Variants in SYN2 observed in about 807,000 individuals in gnomAD.
SYN2 encodes the protein synapsin II.
In SYN2, 19 loss-of-function variants were observed where a neutral mutation model predicts 50.9. That is an observed-to-expected ratio of 0.37 (90% CI 0.26 to 0.55). The LOEUF is 0.55. SYN2 is among the 20% of genes least tolerant of loss of function. The pLI is 0.81. For missense variants in SYN2, 587 were observed against 576.4 expected (o/e 1.02, Z -0.19); for synonymous variants, 255 against 224.9 (o/e 1.13, Z -1.20).
chr3:12,021,053 C>T (rs956815807), intron 1 of SYN2, among the ~76,000 whole-genome samples: 1 of 152,154 alleles, frequency 6.6e-6, no homozygotes, highest in Admixed American at 6.5e-5. Context: ...GCTATAACTT[C>T]ATATTTTTTT....
intron 10 of SYN2, among the ~76,000 whole-genome samples, chr3:12,178,791 C>T (rs1041289424): frequency 2.0e-5 from 3 of 152,226 alleles, no homozygotes; most frequent in Admixed American, 6.5e-5. Context: ...TTAGTTTAAG[C>T]CTAACAATCC....
rs1375970044 is a variant in SYN2, at chr3:12,066,060, T to TA, written c.377+61133dup. Among the ~76,000 whole-genome samples the TA allele has an allele frequency of 2.0e-5, 3 of 152,226 alleles. No homozygotes were observed. In the East Asian group the frequency reaches 5.8e-4, roughly 29 times the overall value. On this transcript the variant is annotated intron_variant, in intron 1 of 12. Coordinates refer to ENST00000621198, the MANE Select transcript of SYN2 (RefSeq NM_133625.6). Reference sequence around the variant, plus strand: ...TTGGGTAACAAAAATACTCTAGAATTAGATAGTGGTAAATATACTAAACCC... The same window carrying TA: ...TTGGGTAACAAAAATACTCTAGAATTAAGATAGTGGTAAATATACTAAACCC...
At position 12,174,604 on chromosome 3, in the gene SYN2, C is replaced by T. The variant is rs55987854; in HGVS notation, c.1308+4698C>T. ...TCAAGCGATTCCCCTGCCTCAGCTT[C>T]CCGAATAGCTGGGATTACAGGCACG... On this transcript the variant is annotated intron_variant, in intron 10 of 12. Transcript: ENST00000621198. Among the ~76,000 whole-genome samples the T allele has an allele frequency of 7.8e-3, 1,186 of 152,300 alleles. 14 individuals are homozygous for T. The highest frequency in any genetic ancestry group is 0.011 in the Non-Finnish European group (760 of 68,020).
intron 1 of SYN2, among the ~76,000 whole-genome samples, chr3:12,094,335 G>A (rs1695885065): frequency 6.6e-6 from 1 of 152,208 alleles, no homozygotes; most frequent in Non-Finnish European, 1.5e-5. Context: ...GAGTGAAAGA[G>A]TGTAAAAGAC....
At chr3:12,028,890 A>G (rs1694322351) in intron 1 of SYN2, among the ~76,000 whole-genome samples, 1 of 101,648 alleles carries the variant, frequency 9.8e-6, no homozygotes, top group African/African-American at 4.6e-5. Context: ...ATTAGATCCC[A>G]TTTGTCAATT....
chr3:12,168,442 T>A lies in SYN2; in HGVS notation c.1122T>A (p.Ala374=), dbSNP rs1697857205. ...FGGLDICAVK[A]VHGKDGKDYI... is the part of the protein sequence containing the mutation. ...GCCTGGACATCTGTGCTGTCAAAGC[T>A]GTACATGGCAAAGATGGGAAAGACT... The change falls in exon 9 of 13, where the codon GCT becomes GCA. Residue 374 remains alanine, a synonymous_variant. Coordinates refer to ENST00000621198, the MANE Select transcript of SYN2 (RefSeq NM_133625.6). 6.2e-7 allele frequency: 1 copy of A among 1,613,884 alleles called. No homozygotes were observed. Among genetic ancestry groups the A allele is most frequent in the African/African-American group, 1.3e-5 (1 of 74,924 alleles).
chr3:12,013,326 C>G (rs1559385632), intron 1 of SYN2, among the ~76,000 whole-genome samples: 1 of 152,114 alleles, frequency 6.6e-6, no homozygotes, highest in Non-Finnish European at 1.5e-5. Context: ...CTTGTTCTTT[C>G]CCTTTGTCTA....
At chr3:12,091,251 C>T (rs1038693753) in intron 1 of SYN2, among the ~76,000 whole-genome samples, 2 of 152,130 alleles carry the variant, frequency 1.3e-5, no homozygotes, top group African/African-American at 4.8e-5. Flanking sequence ...TATGGGTATT[C>T]TGTGAGGATA....
intron 1 of SYN2, among the ~76,000 whole-genome samples, chr3:12,033,836 G>T (rs381938): frequency 0.64 from 97,471 of 151,936 alleles, 33,791 homozygotes; most frequent in South Asian, 0.78. Context: ...ATTGTATCAT[G>T]TGTCAGTGCT....
intron 1 of SYN2, among the ~76,000 whole-genome samples, chr3:12,136,491 C>G (rs1696895419): frequency 6.6e-6 from 1 of 152,202 alleles, no homozygotes; most frequent in African/African-American, 2.4e-5. Context: ...GCTTCCCTGG[C>G]TTCTATTTCT....
intron 1 of SYN2, among the ~76,000 whole-genome samples, chr3:12,059,140 G>T (rs1224520864): frequency 6.6e-6 from 1 of 152,200 alleles, no homozygotes; most frequent in Non-Finnish European, 1.5e-5. Flanking sequence ...ACGTTAATTT[G>T]CAAGGCACCA....
intron 1 of SYN2, among the ~76,000 whole-genome samples, chr3:12,117,176 C>G (rs974760710): frequency 6.6e-6 from 1 of 152,086 alleles, no homozygotes; most frequent in Admixed American, 6.5e-5. Context: ...GGTTACAACC[C>G]CATGTCCTTT....
intron 1 of SYN2, among the ~76,000 whole-genome samples, chr3:12,119,124 A>T (rs1431236259): frequency 6.6e-6 from 1 of 151,914 alleles, no homozygotes; most frequent in Non-Finnish European, 1.5e-5. Context: ...TGTCCTCACT[A>T]TATTATTTTA....
chr3:12,144,005 T>TG (rs1156316527), intron 3 of SYN2, among the ~76,000 whole-genome samples: 2 of 152,188 alleles, frequency 1.3e-5, no homozygotes, highest in Non-Finnish European at 2.9e-5. Context: ...CTGGAGGTGG[T>TG]GGGCGGATGG....
rs556483743 is a variant in SYN2, at chr3:12,021,880, C to A, written c.377+16952C>A. ...AGGAGCTCGAGACCAGCCTGGCCAG[C>A]GTAACGAAACCCCGTCTCTATTAAA... is the stretch of plus-strand genomic sequence containing the variant. On this transcript the variant is annotated intron_variant, in intron 1 of 12. Transcript: ENST00000621198. 3.2e-3 allele frequency among the ~76,000 whole-genome samples: 486 copies of A among 152,140 alleles called. 1 individual carries two copies. Among genetic ancestry groups the A allele is most frequent in the Middle Eastern group, 0.014 (4 of 292 alleles).
At chr3:12,139,675 C>T (rs1319485944) in intron 1 of SYN2, among the ~76,000 whole-genome samples, 1 of 152,080 alleles carries the variant, frequency 6.6e-6, no homozygotes, top group Non-Finnish European at 1.5e-5. Flanking sequence ...TTGGTTTATT[C>T]CTTCATTTTG....
At chr3:12,138,819 T>C (rs775174962) in intron 1 of SYN2, among the ~76,000 whole-genome samples, 1 of 152,310 alleles carries the variant, frequency 6.6e-6, no homozygotes, top group African/African-American at 2.4e-5. Context: ...AAGGTAGACA[T>C]ACCTCACCAA....
intron 1 of SYN2, among the ~76,000 whole-genome samples, chr3:12,133,510 G>A (rs945406558): frequency 3.9e-5 from 6 of 152,122 alleles, no homozygotes; most frequent in Admixed American, 6.6e-5. Flanking sequence ...TTTAAATGTC[G>A]TTGTCATTTC....
At chr3:12,072,076 A>C (rs1695365733) in intron 1 of SYN2, among the ~76,000 whole-genome samples, 1 of 152,190 alleles carries the variant, frequency 6.6e-6, no homozygotes, top group African/African-American at 2.4e-5. Context: ...GAAAAATAAA[A>C]ATGCTGCCGT....
Sources: allele counts gnomAD v4.1 joint callset (sites outside exome capture counted in the v4.1 genomes callset), GRCh38; gene constraint gnomAD v4.1.1; transcripts MANE v1.5; gene names NCBI Gene and HGNC (gene_info 2026-07-23, HGNC 2026-07-21).